The following EYA2 variants were observed in gnomAD, a reference collection of about 807,000 sequenced individuals.
EYA2 encodes the protein EYA transcriptional coactivator and phosphatase 2, also known as protein phosphatase EYA2.
Under a neutral mutation model 69.2 loss-of-function variants are expected in EYA2, and 31 were observed. The ratio of observed to expected loss-of-function variants is 0.45; its 90% CI spans 0.34 to 0.60. The LOEUF is 0.60. Ranked by LOEUF, EYA2 falls within the 20% of genes least tolerant of loss-of-function variation. The pLI is 0.02. For synonymous variants in EYA2, 257 were observed against 279.4 expected, an observed-to-expected ratio of 0.92 and a Z score of 0.80; for missense variants, 622 against 701.2, an observed-to-expected ratio of 0.89 and a Z score of 1.28.
Position 46,940,065 on chromosome 20 carries a change from G to A in EYA2, c.-11+45078G>A, listed in dbSNP as rs539806954. Among the ~76,000 whole-genome samples the A allele has an allele frequency of 3.3e-5, 5 of 152,292 alleles. No homozygotes were observed. In the South Asian group the frequency reaches 1.0e-3, roughly 32 times the overall value. On this transcript the variant is annotated intron_variant, in intron 1 of 15. Transcript: ENST00000327619. The stretch of plus-strand genomic sequence containing the variant: ...GCGAGGATCTTGCAAAGATACACAA[G>A]AAATATAATAGGCCTACCTGAGGAT...
intron 1 of EYA2, among the ~76,000 whole-genome samples, chr20:46,913,367 G>T (rs1484414404): frequency 6.6e-6 from 1 of 152,168 alleles, no homozygotes; most frequent in African/African-American, 2.4e-5. Context: ...AGGAGATGTA[G>T]TTAGGGAAGT....
At chr20:46,968,816 G>A (rs959480031) in intron 1 of EYA2, among the ~76,000 whole-genome samples, 5 of 151,916 alleles carry the variant, frequency 3.3e-5, no homozygotes, top group South Asian at 2.1e-4. Context: ...GAACCTCTAC[G>A]CTAAAAGATG....
At chr20:47,128,583 T>G (rs1039515973) in intron 9 of EYA2, among the ~76,000 whole-genome samples, 2 of 151,956 alleles carry the variant, frequency 1.3e-5, no homozygotes, top group Admixed American at 6.6e-5. Flanking sequence ...TCCTAATAAA[T>G]CATTTCATTT....
chr20:46,997,373 A>T (rs550691350), intron 2 of EYA2, among the ~76,000 whole-genome samples: 1 of 152,292 alleles, frequency 6.6e-6, no homozygotes, highest in East Asian at 1.9e-4. Context: ...CCCAGTTCTG[A>T]ACTCATGCCT....
At chr20:47,130,261 C>CTTTTTTTTTGTTTTTTTT (rs2033306199) in intron 9 of EYA2, among the ~76,000 whole-genome samples, 1 of 81,260 alleles carries the variant, frequency 1.2e-5, no homozygotes, top group Non-Finnish European at 2.2e-5. Flanking sequence ...GGTTTATTTT[C>CTTTTTTTTTGTTTTTTTT]TTTTTTTTTT....
intron 11 of EYA2, among the ~76,000 whole-genome samples, chr20:47,170,000 G>A (rs1025912758): frequency 2.6e-5 from 4 of 151,976 alleles, no homozygotes; most frequent in African/African-American, 9.7e-5. Context: ...CCACCTCCCA[G>A]GCTCAAGCAA....
At chr20:47,183,182 C>T (rs773386739) in intron 14 of EYA2, 109 bp from the exon 15 acceptor site, 40 of 924,332 alleles carry the variant, frequency 4.3e-5, no homozygotes, top group East Asian at 2.4e-4. Context: ...TGATGAATAC[C>T]GGGCCTTTGG....
intron 9 of EYA2, among the ~76,000 whole-genome samples, chr20:47,099,728 G>A (rs1405900317): frequency 3.9e-5 from 6 of 152,110 alleles, no homozygotes; most frequent in African/African-American, 7.2e-5. Context: ...CATTTAAAAC[G>A]TAGCTTCCTC....
At chr20:46,942,681 C>T (rs1986205649) in intron 1 of EYA2, among the ~76,000 whole-genome samples, 1 of 152,198 alleles carries the variant, frequency 6.6e-6, no homozygotes, top group African/African-American at 2.4e-5. Flanking sequence ...AGCCACTTAA[C>T]CTCACCAAGC....
At chr20:47,159,111 G>A (rs1407216622) in intron 10 of EYA2, among the ~76,000 whole-genome samples, 2 of 151,982 alleles carry the variant, frequency 1.3e-5, no homozygotes, top group African/African-American at 2.4e-5. Flanking sequence ...TACACCCATA[G>A]TGTGAGCCAC....
chr20:46,933,009 G>A (rs1038721995), intron 1 of EYA2, among the ~76,000 whole-genome samples: 9 of 152,210 alleles, frequency 5.9e-5, no homozygotes, highest in African/African-American at 2.2e-4. Flanking sequence ...TGTTTCCTGA[G>A]GCCTCCCCAG....
At chr20:46,963,681 A>C (rs973761612) in intron 1 of EYA2, among the ~76,000 whole-genome samples, 2 of 152,242 alleles carry the variant, frequency 1.3e-5, no homozygotes, top group African/African-American at 4.8e-5. Context: ...TTAACAAAAA[A>C]AACACCTCCC....
At chr20:47,176,076 C>CTT (rs35654076) in intron 12 of EYA2, among the ~76,000 whole-genome samples, 35 of 112,448 alleles carry the variant, frequency 3.1e-4, no homozygotes, top group Non-Finnish European at 4.5e-4. Context: ...CACTTAAATT[C>CTT]TTTTTTTTTT....
chr20:47,185,147 T>C (rs1335015967), intron 15 of EYA2, among the ~76,000 whole-genome samples: 1 of 152,112 alleles, frequency 6.6e-6, no homozygotes, highest in African/African-American at 2.4e-5. Context: ...AGTGGGTGAT[T>C]TGTCTCCACC....
intron 5 of EYA2, among the ~76,000 whole-genome samples, chr20:47,037,636 G>C (rs945066453): frequency 5.3e-5 from 8 of 152,144 alleles, no homozygotes; most frequent in Non-Finnish European, 1.2e-4. Flanking sequence ...AACCTCCCAA[G>C]GCTGCCACTA....
chr20:47,143,727 T>C (rs187893017), intron 10 of EYA2, among the ~76,000 whole-genome samples: 2 of 152,278 alleles, frequency 1.3e-5, no homozygotes, highest in East Asian at 1.9e-4. Context: ...CATTTGTTTA[T>C]ACCCAGCCTA....
intron 5 of EYA2, among the ~76,000 whole-genome samples, chr20:47,033,350 G>A (rs914517069): frequency 2.6e-5 from 4 of 152,226 alleles, no homozygotes; most frequent in Non-Finnish European, 5.9e-5. Context: ...AGTCTCTGTT[G>A]CAACTGCTCA....
At chr20:46,908,252 G>A (rs573092600) in intron 1 of EYA2, among the ~76,000 whole-genome samples, 2 of 152,216 alleles carry the variant, frequency 1.3e-5, no homozygotes, top group African/African-American at 2.4e-5. Flanking sequence ...AAACACATAT[G>A]TATATAAGGT....
At chr20:46,905,005 A>G (rs2146215345) in intron 1 of EYA2, among the ~76,000 whole-genome samples, 1 of 152,286 alleles carries the variant, frequency 6.6e-6, no homozygotes, top group South Asian at 2.1e-4. Context: ...GCTGTTACCT[A>G]ATGAATGAAA....
Sources: gnomAD v4.1 joint callset for allele counts (sites outside exome capture counted in the v4.1 genomes callset) on GRCh38, gnomAD v4.1.1 for gene constraint, MANE v1.5 for transcripts, NCBI Gene and HGNC (gene_info 2026-07-23, HGNC 2026-07-21) for gene names.